FOXN1: variants seen among roughly 807,000 people sequenced by gnomAD.
FOXN1 encodes the protein forkhead box protein N1.
In FOXN1, 15 loss-of-function variants were observed where a neutral mutation model predicts 49.0. That is an observed-to-expected ratio of 0.31 (90% CI 0.20 to 0.47). The LOEUF is 0.47. FOXN1 is among the 20% of genes least tolerant of loss of function. FOXN1 has a pLI of 1.00. For missense variants in FOXN1, 800 were observed against 842.8 expected (o/e 0.95, Z 0.63); for synonymous variants, 356 against 369.0 (o/e 0.96, Z 0.40).
chr17:28,514,502 GT>G (rs1460213134), intron 1 of FOXN1, among the ~76,000 whole-genome samples: 1 of 152,114 alleles, frequency 6.6e-6, no homozygotes, highest in African/African-American at 2.4e-5. Flanking sequence ...CAGACCCCGA[GT>G]TTCCTTGGGT....
At chr17:28,521,945 A>T (rs1361580508) in intron 1 of FOXN1, among the ~76,000 whole-genome samples, 2 of 152,210 alleles carry the variant, frequency 1.3e-5, no homozygotes, top group African/African-American at 2.4e-5. Context: ...CTCTGGCTTG[A>T]GGGGGTCTTG....
chr17:28,521,903 G>A (rs564289130), intron 1 of FOXN1, among the ~76,000 whole-genome samples: 1 of 152,384 alleles, frequency 6.6e-6, no homozygotes, highest in Non-Finnish European at 1.5e-5. Context: ...GCTCCGGAAA[G>A]AGCATGGCCT....
chr17:28,527,408 C>T (rs921844080), intron 4 of FOXN1, 47 bp downstream of exon 4: 7 of 1,076,826 alleles, frequency 6.5e-6, no homozygotes, highest in South Asian at 2.6e-5. Flanking sequence ...CTGAGGATAT[C>T]GTGTGTGTGT....
chr17:28,531,141 T>A (rs1040797026), intron 6 of FOXN1, among the ~76,000 whole-genome samples: 1 of 152,124 alleles, frequency 6.6e-6, no homozygotes, highest in African/African-American at 2.4e-5. Context: ...TCAGGGAGCA[T>A]CCACCTACCC....
At position 28,529,064 on chromosome 17, in the gene FOXN1, C is replaced by A; in HGVS notation, c.700-30C>A. The A allele has an allele frequency of 2.5e-6, 4 of 1,613,710 alleles. No homozygotes were observed. In the South Asian group the frequency reaches 3.3e-5, roughly 13 times the overall value. On this transcript the variant is annotated intron_variant, in intron 4 of 8. Coordinates refer to ENST00000579795, the MANE Select transcript of FOXN1 (RefSeq NM_001369369.1). ...CTCCTGGGAAAGGCTGGGTACCATG[C>A]AATCACTCTGCCCCTTTTGACCTCC...
Position 28,535,052 on chromosome 17 carries a change from C to G in FOXN1, c.1481C>G (p.Pro494Arg), listed in dbSNP as rs1228874818. 1 of 1,611,186 alleles carries G rather than the reference C, an allele frequency of 6.2e-7. No homozygotes were observed. The highest frequency in any genetic ancestry group is 1.7e-5 in the Admixed American group (1 of 59,942). Residue 494 changes from proline to arginine, a missense_variant, in exon 8 of 9, where the codon CCT (proline) becomes CGT (arginine). Around this residue, in one of 3 missense-constraint regions of FOXN1, gnomAD observed 344 missense variants for 366.1 expected, o/e 0.94. Coordinates refer to ENST00000579795, the MANE Select transcript of FOXN1 (RefSeq NM_001369369.1). ...QPGTPQDSPLPAHTPPSHSAK... is the reference protein window; with the variant it reads ...QPGTPQDSPLRAHTPPSHSAK... ...GGCACCCCCCAGGACTCGCCTCTGCCTGCCCACACCCCACCCAGCCACAGT... is the reference window on the plus strand; with the variant it reads ...GGCACCCCCCAGGACTCGCCTCTGCGTGCCCACACCCCACCCAGCCACAGT...
intron 1 of FOXN1, among the ~76,000 whole-genome samples, chr17:28,507,188 G>C (rs574087882): frequency 6.6e-6 from 1 of 152,278 alleles, no homozygotes; most frequent in Non-Finnish European, 1.5e-5. Flanking sequence ...GGGGGCGTGG[G>C]AAGTGAAGGC....
At chr17:28,529,020 A>C in intron 4 of FOXN1, 74 bp from the exon 5 acceptor site, 2 of 1,585,228 alleles carry the variant, frequency 1.3e-6, no homozygotes, top group Non-Finnish European at 1.7e-6. Flanking sequence ...CTGGATGTAT[A>C]TAAATGGGGA....
chr17:28,534,384 G>A lies in FOXN1; in HGVS notation c.981G>A (p.Lys327=). ...NSVRHNLSLN[K]CFEKVENKSG... ...TCCGGCACAACCTATCCCTCAACAA[G>A]TGCTTCGAGAAGGTGGAGAACAAAT... The change falls in exon 7 of 9, where the codon AAG becomes AAA. Residue 327 remains lysine (K), a synonymous_variant. Coordinates refer to ENST00000579795, the MANE Select transcript of FOXN1 (RefSeq NM_001369369.1). This position sits in a 1 kb window ranked among gnomAD's most constrained non-coding sequence, Gnocchi z 4.1. 6.2e-7 allele frequency: 1 copy of A among 1,614,180 alleles called. No individual in the cohort carries two copies. The highest frequency in any genetic ancestry group is 8.5e-7 in the Non-Finnish European group (1 of 1,180,028).
Position 28,535,084 on chromosome 17 carries a change from C to G in FOXN1, c.1513C>G (p.Leu505Val). 1 of 1,607,980 alleles carries G rather than the reference C, an allele frequency of 6.2e-7. No homozygotes were observed. Among genetic ancestry groups the G allele is most frequent in the East Asian group, 2.2e-5 (1 of 44,770 alleles). The change falls in exon 8 of 9, where the codon CTA (leucine) becomes GTA (valine). Residue 505 changes from leucine (L) to valine (V), a missense_variant. Leu to Val is a conservative substitution (Grantham distance 32). Transcript: ENST00000579795. ...AHTPPSHSAKLLAEPSPARTM... is the reference protein window; with the variant it reads ...AHTPPSHSAKVLAEPSPARTM... Reference sequence around the variant, plus strand: ...CACCCCACCCAGCCACAGTGCCAAGCTACTGGCCGAGCCTTCCCCAGCCAG... The same window carrying G: ...CACCCCACCCAGCCACAGTGCCAAGGTACTGGCCGAGCCTTCCCCAGCCAG...
rs777608417 is a variant in FOXN1 at position 28,524,573 on chromosome 17, C to T, written c.194C>T (p.Pro65Leu). Residue 65 changes from proline (P) to leucine (L), a missense_variant, in exon 3 of 9, where the codon CCA becomes CTA. Pro to Leu is a moderately conservative substitution (Grantham distance 98). Coordinates refer to ENST00000579795, the MANE Select transcript of FOXN1 (RefSeq NM_001369369.1). ...GPPERTPSLPPHSPRIASPGP... is the reference protein window; with the variant it reads ...GPPERTPSLPLHSPRIASPGP... ...CCAGAGAGGACACCCTCACTGCCCC[C>T]ACACAGCCCCCGCATTGCGTCACCA... 6.2e-7 allele frequency: 1 copy of T among 1,613,690 alleles called. No homozygotes were observed. Among genetic ancestry groups the T allele is most frequent in the African/African-American group, 1.3e-5 (1 of 75,058 alleles).
intron 6 of FOXN1, among the ~76,000 whole-genome samples, chr17:28,532,399 T>C (rs1048857599): frequency 6.6e-6 from 1 of 152,224 alleles, no homozygotes; most frequent in Non-Finnish European, 1.5e-5. Flanking sequence ...AGGCAGGCCC[T>C]ATGGGGTGAC....
rs575898161 is a variant in FOXN1 at position 28,524,102 on chromosome 17, C to T, written c.123+10C>T. On this transcript the variant is annotated intron_variant, in intron 2 of 8. Coordinates refer to ENST00000579795, the MANE Select transcript of FOXN1 (RefSeq NM_001369369.1). ...CCCTGCCCCACAGAGTGTAAGTACC[C>T]GGCATCTGGGCCTGGGTTTAGGCCA... The T allele has an allele frequency of 6.4e-5, 101 of 1,584,412 alleles. No homozygotes were observed. In the South Asian group the frequency reaches 6.6e-4, roughly 10 times the overall value.
intron 1 of FOXN1, among the ~76,000 whole-genome samples, chr17:28,520,737 T>A (rs567955548): frequency 6.6e-6 from 1 of 152,202 alleles, no homozygotes; most frequent in South Asian, 2.1e-4. Context: ...AAGAATGGGG[T>A]GAGGCCGACA....
At position 28,537,485 on chromosome 17, in the gene FOXN1, T is replaced by C. The variant is rs2151502649; in HGVS notation, c.*49T>C. 2.1e-6 allele frequency: 3 copies of C among 1,462,102 alleles called. No individual in the cohort carries two copies. Among genetic ancestry groups the C allele is most frequent in the Middle Eastern group, 3.4e-4 (2 of 5,808 alleles). The allele number at this position is 1,462,102 out of a possible 1,614,324, so 90.6% of individuals were successfully genotyped here. On this transcript the variant is annotated 3_prime_UTR_variant, in exon 9 of 9. Coordinates refer to ENST00000579795, the MANE Select transcript of FOXN1 (RefSeq NM_001369369.1). The stretch of plus-strand genomic sequence containing the variant: ...CAGCGTTTGCCTGGTCTGGAAGTCC[T>C]GGCCGGCCGCCCACATCGGGCTCAC...
chr17:28,509,781 C>T (rs2069349434), intron 1 of FOXN1, among the ~76,000 whole-genome samples: 1 of 152,228 alleles, frequency 6.6e-6, no homozygotes, highest in African/African-American at 2.4e-5. Context: ...AGCCCCAAAG[C>T]GGGGCCGGGG....
chr17:28,513,260 C>A (rs550126329), intron 1 of FOXN1, among the ~76,000 whole-genome samples: 1 of 152,260 alleles, frequency 6.6e-6, no homozygotes, highest in East Asian at 1.9e-4. Context: ...CAGAGTGAGA[C>A]TTTGTCTCAA....
chr17:28,526,616 G>T (rs761827237), intron 3 of FOXN1, among the ~76,000 whole-genome samples: 7 of 152,204 alleles, frequency 4.6e-5, no homozygotes, highest in Non-Finnish European at 8.8e-5. Context: ...CAGGACTCAC[G>T]CAGGCCAGCA....
rs1002588428 is a variant in FOXN1, at chr17:28,537,522, A to G, written c.*86A>G. On this transcript the variant is annotated 3_prime_UTR_variant, in exon 9 of 9. Coordinates refer to ENST00000579795, the MANE Select transcript of FOXN1 (RefSeq NM_001369369.1). ...CACATCGGGCTCACCTTAAAGGTCAAGGAAGGAAAATACTACCTGTCCCCT... is the reference window on the plus strand; with the variant it reads ...CACATCGGGCTCACCTTAAAGGTCAGGGAAGGAAAATACTACCTGTCCCCT... 12 of 1,067,000 alleles carry G rather than the reference A, an allele frequency of 1.1e-5. No individual in the cohort carries two copies. The highest frequency in any genetic ancestry group is 1.7e-5 in the Non-Finnish European group (12 of 699,560). 66.1% of individuals were successfully genotyped at this position (1,067,000 alleles called of 1,614,324 possible).
Sources: gnomAD v4.1 joint callset for allele counts (sites outside exome capture counted in the v4.1 genomes callset) on GRCh38, gnomAD v4.1.1 for gene constraint, gnomAD v4.1.1 regional missense constraint, Gnocchi (gnomAD v3.1) non-coding constraint, MANE v1.5 for transcripts, NCBI Gene and HGNC (gene_info 2026-07-23, HGNC 2026-07-21) for gene names.